TTC28: variants seen among roughly 807,000 people sequenced by gnomAD.
TTC28 encodes tetratricopeptide repeat domain 28.
In TTC28, 61 loss-of-function variants were observed where a neutral mutation model predicts 198.0. That is an observed-to-expected ratio of 0.31 (90% CI 0.25 to 0.38). The LOEUF (loss-of-function observed/expected upper bound fraction) is 0.38, where lower values mean the gene tolerates loss of function less well. Among genes scored for constraint, TTC28 ranks in the 10% least tolerant of loss-of-function variants. The pLI, the probability that TTC28 is intolerant of heterozygous loss-of-function variation, is 1.00. For synonymous variants in TTC28, 1,171 were observed against 1,297.8 expected (o/e 0.90, Z 2.10); for missense variants, 2,678 against 3,164.0 (o/e 0.85, Z 3.69).
chr22:28,257,380 A>G (rs1931004769), intron 5 of TTC28, among the ~76,000 whole-genome samples: 1 of 152,190 alleles, frequency 6.6e-6, no homozygotes. Context: ...ATGAATGAGT[A>G]AAGAAAACAT....
At chr22:28,272,145 C>T (rs1209214325) in intron 5 of TTC28, among the ~76,000 whole-genome samples, 5 of 152,130 alleles carry the variant, frequency 3.3e-5, no homozygotes, top group Non-Finnish European at 2.9e-5. Flanking sequence ...AAAAACAAAC[C>T]TTAGAGTCTT....
chr22:28,399,985 C>T (rs891293156), intron 2 of TTC28, among the ~76,000 whole-genome samples: 9 of 152,210 alleles, frequency 5.9e-5, no homozygotes, highest in African/African-American at 1.7e-4. Flanking sequence ...ATATTCCCAT[C>T]GTCCAGAAAG....
chr22:28,311,890 C>T (rs118129475), intron 2 of TTC28, among the ~76,000 whole-genome samples: 3,657 of 152,020 alleles, frequency 0.024, 63 homozygotes, highest in South Asian at 0.039. Flanking sequence ...TAAATGCCCC[C>T]CAATTAAAAG....
chr22:28,400,282 A>T (rs1326637203), intron 2 of TTC28, among the ~76,000 whole-genome samples: 1 of 152,182 alleles, frequency 6.6e-6, no homozygotes, highest in East Asian at 1.9e-4. Flanking sequence ...GCCAGGTATG[A>T]TCTGTCTTCT....
intron 2 of TTC28, among the ~76,000 whole-genome samples, chr22:28,391,690 C>T (rs941327538): frequency 4.6e-5 from 7 of 152,190 alleles, no homozygotes; most frequent in Non-Finnish European, 8.8e-5. Context: ...TTTTCAGCTC[C>T]AGGAGCTCCT....
chr22:28,057,905 T>A (rs1468429792), intron 12 of TTC28, among the ~76,000 whole-genome samples: 1 of 152,130 alleles, frequency 6.6e-6, no homozygotes, highest in Non-Finnish European at 1.5e-5. Flanking sequence ...AATGACCATA[T>A]GAGTGTGGGT....
intron 14 of TTC28, among the ~76,000 whole-genome samples, chr22:28,010,404 C>G (rs978263990): frequency 3.9e-5 from 6 of 152,202 alleles, no homozygotes; most frequent in African/African-American, 1.4e-4. Flanking sequence ...GAGAAAAACT[C>G]TAAAACACAT....
intron 5 of TTC28, among the ~76,000 whole-genome samples, chr22:28,275,782 ACT>A (rs980759767): frequency 2.0e-5 from 3 of 151,962 alleles, no homozygotes; most frequent in African/African-American, 7.3e-5. Context: ...TGTTTTTCTA[ACT>A]ATGCCGCCTA....
chr22:27,991,966 A>C (rs541113009), intron 19 of TTC28, among the ~76,000 whole-genome samples: 1 of 152,356 alleles, frequency 6.6e-6, no homozygotes, highest in Admixed American at 6.5e-5. Flanking sequence ...GGCATGGTTA[A>C]GTACTTTGAT....
intron 2 of TTC28, among the ~76,000 whole-genome samples, chr22:28,590,082 T>C (rs1265033545): frequency 7.8e-6 from 1 of 128,714 alleles, no homozygotes; most frequent in Non-Finnish European, 1.6e-5. Flanking sequence ...CCTGAAACTA[T>C]AACTTCCTAT....
intron 5 of TTC28, among the ~76,000 whole-genome samples, chr22:28,192,704 C>T (rs919743295): frequency 3.3e-5 from 5 of 151,572 alleles, no homozygotes; most frequent in African/African-American, 1.2e-4. Flanking sequence ...GATGGAAGAG[C>T]GAATGAATGA....
At chr22:28,358,152 A>G (rs2046106071) in intron 2 of TTC28, among the ~76,000 whole-genome samples, 1 of 152,176 alleles carries the variant, frequency 6.6e-6, no homozygotes, top group Non-Finnish European at 1.5e-5. Flanking sequence ...TTGGTTATTA[A>G]ATAATCTCCC....
intron 2 of TTC28, among the ~76,000 whole-genome samples, chr22:28,420,796 T>C (rs2047241283): frequency 6.6e-6 from 1 of 152,086 alleles, no homozygotes; most frequent in Non-Finnish European, 1.5e-5. Context: ...AGATGGGGAT[T>C]CACCATGTTG....
intron 14 of TTC28, 118 bp from the exon 15 acceptor site, chr22:28,001,671 G>T: frequency 8.1e-7 from 1 of 1,231,622 alleles, no homozygotes; most frequent in East Asian, 2.6e-5. Context: ...GAGGCCTGTG[G>T]GGGTGTGGGG....
At chr22:28,483,477 A>T (rs1016118009) in intron 2 of TTC28, among the ~76,000 whole-genome samples, 12 of 152,172 alleles carry the variant, frequency 7.9e-5, no homozygotes, top group Non-Finnish European at 1.8e-4. Context: ...TTCTTTCATG[A>T]CATTTTCCAA....
At chr22:28,291,430 G>A (rs1180069702) in intron 5 of TTC28, among the ~76,000 whole-genome samples, 1 of 152,086 alleles carries the variant, frequency 6.6e-6, no homozygotes, top group Non-Finnish European at 1.5e-5. Flanking sequence ...AAAGCATAAA[G>A]CTCTTTATAA....
intron 13 of TTC28, among the ~76,000 whole-genome samples, chr22:28,023,931 T>C (rs907388303): frequency 3.3e-5 from 5 of 152,152 alleles, no homozygotes; most frequent in African/African-American, 9.7e-5. Context: ...AGATAACACA[T>C]GTAAAGCACT....
chr22:27,999,514 G>C, intron 15 of TTC28: 3 of 534,184 alleles, frequency 5.6e-6, no homozygotes, highest in East Asian at 3.4e-5. Flanking sequence ...TGAGAGGATT[G>C]GGGGAGGAGG....
At chr22:28,225,201 A>G (rs756665398) in intron 5 of TTC28, among the ~76,000 whole-genome samples, 4 of 152,064 alleles carry the variant, frequency 2.6e-5, no homozygotes, top group Non-Finnish European at 4.4e-5. Flanking sequence ...CTAAAAATAC[A>G]AAAATTGGCC....
Sources: allele counts gnomAD v4.1 joint callset (sites outside exome capture counted in the v4.1 genomes callset), GRCh38; gene constraint gnomAD v4.1.1; transcripts MANE v1.5; gene names NCBI Gene and HGNC (gene_info 2026-07-23, HGNC 2026-07-21).